The following ATP8A1 variants were observed in gnomAD, a reference collection of about 807,000 sequenced individuals.
ATP8A1 encodes ATPase phospholipid transporting 8A1.
ATP8A1 carries 90 observed loss-of-function variants against 177.7 expected under a neutral mutation model. That is an observed-to-expected ratio of 0.51 (90% CI 0.43 to 0.60). ATP8A1 has a LOEUF of 0.60. Among genes scored for constraint, ATP8A1 ranks in the 20% least tolerant of loss-of-function variants. The pLI, the probability that ATP8A1 is intolerant of heterozygous loss-of-function variation, is 0.00. For synonymous variants in ATP8A1, 493 were observed against 485.9 expected (o/e 1.01, Z -0.19); for missense variants, 1,072 against 1,392.8 (o/e 0.77, Z 3.67).
intron 22 of ATP8A1, among the ~76,000 whole-genome samples, chr4:42,513,126 C>T (rs1472371194): frequency 6.6e-6 from 1 of 152,160 alleles, no homozygotes; most frequent in Non-Finnish European, 1.5e-5. Context: ...CATCTTTGCA[C>T]CTGGCTCCAT....
At chr4:42,463,557 A>T (rs992263247) in intron 27 of ATP8A1, among the ~76,000 whole-genome samples, 3 of 152,208 alleles carry the variant, frequency 2.0e-5, no homozygotes, top group African/African-American at 7.2e-5. Context: ...GTAATACAGC[A>T]AGTTCCTGGA....
intron 14 of ATP8A1, 71 bp from the exon 15 acceptor site, chr4:42,569,276 C>T (rs1294916523): frequency 2.9e-5 from 35 of 1,219,810 alleles, no homozygotes; most frequent in Middle Eastern, 2.0e-4. Flanking sequence ...CATAAAACCA[C>T]GAAGAAGGGA....
intron 3 of ATP8A1, chr4:42,625,071 AGGATATATACC>A (rs1737913543): frequency 6.6e-6 from 1 of 152,114 alleles, no homozygotes; most frequent in Non-Finnish European, 1.5e-5. Context: ...AAAGACCAGA[AGGATATATACC>A]CACAATTTAA....
Position 42,438,422 on chromosome 4 carries a change from T to A in ATP8A1, c.3123+5143A>T, listed in dbSNP as rs370912422. ...ATGTAGGATGACTGGGTTTTCTATT[T>A]AATAGTTTTTTTAAATTTTTTTTAA... On this transcript the variant is annotated intron_variant, in intron 33 of 36. Transcript: ENST00000381668. Among the ~76,000 whole-genome samples, 56 of 152,312 alleles carry A rather than the reference T, an allele frequency of 3.7e-4. 1 individual carries two copies. Among genetic ancestry groups the A allele is most frequent in the Middle Eastern group, 3.4e-3 (1 of 294 alleles).
rs922325728 is a variant in ATP8A1, at chr4:42,489,380, A to G, written c.2152-3712T>C. Among the ~76,000 whole-genome samples the G allele has an allele frequency of 2.0e-5, 3 of 152,302 alleles. No individual in the cohort carries two copies. In the East Asian group the frequency reaches 5.8e-4, roughly 29 times the overall value. ...ATAAGGCATTCTCTAACACCTTAAA[A>G]TTTATTGAAAATTCTCTAAATTCGT... On this transcript the variant is annotated intron_variant, in intron 24 of 36. Transcript: ENST00000381668.
intron 24 of ATP8A1, among the ~76,000 whole-genome samples, chr4:42,486,120 G>A (rs1399199849): frequency 1.3e-5 from 2 of 152,118 alleles, no homozygotes; most frequent in Non-Finnish European, 2.9e-5. Flanking sequence ...AAGGAGACAG[G>A]GTCATTTATA....
chr4:42,519,346 G>A (rs1168847120), intron 22 of ATP8A1, among the ~76,000 whole-genome samples: 6 of 152,054 alleles, frequency 3.9e-5, no homozygotes, highest in Admixed American at 2.6e-4. Context: ...CTCCCACCTT[G>A]GTCTCCCAAA....
rs371073834 is a variant in ATP8A1 at position 42,588,247 on chromosome 4, T to C, written c.594+13A>G. 22 of 1,590,522 alleles carry C rather than the reference T, an allele frequency of 1.4e-5. No homozygotes were observed. The African/African-American group carries it at 1.5e-4, about 11-fold the overall frequency. On this transcript the variant is annotated intron_variant, in intron 8 of 36. Transcript: ENST00000381668. ...ATAGCAGTGATTATACATATACTTG[T>C]ATCAGATCTTACCTGTCTAATTTTC...
chr4:42,456,203 T>C (rs915877903), intron 27 of ATP8A1, among the ~76,000 whole-genome samples: 2 of 152,180 alleles, frequency 1.3e-5, no homozygotes, highest in Non-Finnish European at 2.9e-5. Context: ...TTAATGGATA[T>C]GTAACCTCTA....
chr4:42,588,216 A>G, intron 8 of ATP8A1, 44 bp downstream of exon 8: 1 of 1,480,118 alleles, frequency 6.8e-7, no homozygotes, highest in African/African-American at 1.4e-5. Context: ...AATTCCATGT[A>G]ATAAAATAGC....
chr4:42,486,628 T>C (rs944459612), intron 24 of ATP8A1, among the ~76,000 whole-genome samples: 2 of 152,238 alleles, frequency 1.3e-5, no homozygotes, highest in African/African-American at 2.4e-5. Flanking sequence ...TCAAAGTTGC[T>C]ACTCCATGAA....
intron 32 of ATP8A1, 96 bp from the exon 33 acceptor site, chr4:42,443,768 T>G (rs1716902608): frequency 1.6e-6 from 1 of 638,660 alleles, no homozygotes; most frequent in Non-Finnish European, 2.8e-6. Context: ...TAACTTTTTA[T>G]TATATCCATA....
At chr4:42,447,238 C>T (rs10027454) in intron 30 of ATP8A1, among the ~76,000 whole-genome samples, 18,806 of 151,992 alleles carry the variant, frequency 0.12, 2,351 homozygotes, top group African/African-American at 0.32. Flanking sequence ...GGTTGGAGTG[C>T]AGTGGCGTGA....
intron 15 of ATP8A1, among the ~76,000 whole-genome samples, chr4:42,567,035 G>T (rs1041716128): frequency 6.6e-6 from 1 of 152,178 alleles, no homozygotes; most frequent in Non-Finnish European, 1.5e-5. Context: ...TCCAGATGAG[G>T]ACATTCAGGC....
intron 14 of ATP8A1, among the ~76,000 whole-genome samples, chr4:42,572,426 A>AT (rs1361473194): frequency 6.6e-6 from 1 of 152,174 alleles, no homozygotes; most frequent in Non-Finnish European, 1.5e-5. Context: ...TAACAGTGTT[A>AT]TTTTCCCTGC....
intron 20 of ATP8A1, among the ~76,000 whole-genome samples, chr4:42,543,687 T>C (rs747817107): frequency 7.2e-5 from 11 of 152,178 alleles, no homozygotes; most frequent in South Asian, 2.1e-4. Context: ...GTATCAAAAA[T>C]TGAATTATAA....
intron 22 of ATP8A1, among the ~76,000 whole-genome samples, chr4:42,509,912 T>G (rs1049544859): frequency 1.4e-5 from 2 of 139,918 alleles, no homozygotes; most frequent in Non-Finnish European, 3.2e-5. Context: ...TTTCTTAAAA[T>G]AAAATTTCCC....
chr4:42,486,054 C>T (rs555086821), intron 24 of ATP8A1, among the ~76,000 whole-genome samples: 3 of 152,250 alleles, frequency 2.0e-5, no homozygotes, highest in African/African-American at 7.2e-5. Context: ...GCCATTTTTA[C>T]TTTTTGCAGA....
Position 42,455,413 on chromosome 4 carries a change from T to C in ATP8A1, c.2701A>G (p.Thr901Ala). 6.2e-7 allele frequency: 1 copy of C among 1,613,904 alleles called. No homozygotes were observed. The highest frequency in any genetic ancestry group is 8.5e-7 in the Non-Finnish European group (1 of 1,179,808). The part of the protein sequence containing the change: ...WCIGLYNVMF[T>A]AMPPLTLGIF... ...CCAAGAGTTAAAGGAGGCATTGCTG[T>C]AAACATCTAAAGCGCACAAACTGGT... is the stretch of plus-strand genomic sequence containing the variant. The change falls in exon 29 of 37, where the codon ACA (threonine) becomes GCA (alanine). Residue 901 changes from threonine to alanine, a missense_variant. Coordinates refer to ENST00000381668, the MANE Select transcript of ATP8A1 (RefSeq NM_006095.2).
Sources: gnomAD v4.1 joint callset for allele counts (sites outside exome capture counted in the v4.1 genomes callset) on GRCh38, gnomAD v4.1.1 for gene constraint, MANE v1.5 for transcripts, NCBI Gene and HGNC (gene_info 2026-07-23, HGNC 2026-07-21) for gene names.